SNTG1: variants seen among roughly 807,000 people sequenced by gnomAD.
The protein encoded by SNTG1 is syntrophin gamma 1, also known as gamma-1-syntrophin.
In SNTG1, 39 loss-of-function variants were observed where a neutral mutation model predicts 74.7. The ratio of observed to expected loss-of-function variants is 0.52; its 90% CI spans 0.40 to 0.68. The LOEUF is 0.68. Ranked by LOEUF, SNTG1 falls within the 30% of genes least tolerant of loss-of-function variation. The pLI is 0.00. For synonymous variants in SNTG1, 254 were observed against 217.1 expected (o/e 1.17, Z -1.49); for missense variants, 685 against 609.5 (o/e 1.12, Z -1.30).
At chr8:50,456,062 T>C (rs1226003797) in intron 8 of SNTG1, among the ~76,000 whole-genome samples, 1 of 152,244 alleles carries the variant, frequency 6.6e-6, no homozygotes, top group Non-Finnish European at 1.5e-5. Flanking sequence ...ACACTATGTC[T>C]GCTTTTGAAA....
intron 18 of SNTG1, among the ~76,000 whole-genome samples, chr8:50,769,330 G>C (rs754121267): frequency 2.0e-5 from 3 of 151,946 alleles, no homozygotes; most frequent in Non-Finnish European, 2.9e-5. Context: ...CATCTACGAA[G>C]AGAAGAATTG....
At chr8:49,915,194 A>C (rs1004617235) in intron 1 of SNTG1, among the ~76,000 whole-genome samples, 1 of 152,212 alleles carries the variant, frequency 6.6e-6, no homozygotes, top group Admixed American at 6.5e-5. Flanking sequence ...TGAAGACACA[A>C]TAATTTACAT....
chr8:50,400,336 T>G (rs557716600), intron 3 of SNTG1, among the ~76,000 whole-genome samples: 45 of 152,350 alleles, frequency 3.0e-4, no homozygotes, highest in African/African-American at 1.1e-3. Flanking sequence ...GCAAGTTAAA[T>G]AATTTTATTC....
intron 1 of SNTG1, among the ~76,000 whole-genome samples, chr8:50,031,929 A>G (rs1251744012): frequency 6.6e-6 from 1 of 152,040 alleles, no homozygotes; most frequent in Non-Finnish European, 1.5e-5. Flanking sequence ...AAGCTTATAG[A>G]TTTCATTTTT....
chr8:50,264,366 G>A (rs141755686), intron 2 of SNTG1, among the ~76,000 whole-genome samples: 6 of 152,014 alleles, frequency 3.9e-5, no homozygotes, highest in South Asian at 2.1e-4. Context: ...TCAGGAGTTC[G>A]AGACCAGCCT....
chr8:50,531,679 C>G (rs7004506), intron 10 of SNTG1, among the ~76,000 whole-genome samples: 3,832 of 152,258 alleles, frequency 0.025, 153 homozygotes, highest in African/African-American at 0.086. Flanking sequence ...GTGTTTGGCA[C>G]CACATGCCCT....
chr8:49,938,593 T>C (rs998555308), intron 1 of SNTG1, among the ~76,000 whole-genome samples: 2 of 21,214 alleles, frequency 9.4e-5, no homozygotes, highest in African/African-American at 2.5e-4. Context: ...TTTTCTTTTC[T>C]TTTCTTTTCT....
intron 1 of SNTG1, among the ~76,000 whole-genome samples, chr8:50,050,010 A>G (rs1388825429): frequency 6.6e-6 from 1 of 152,008 alleles, no homozygotes; most frequent in African/African-American, 2.4e-5. Flanking sequence ...TAAAATAAAT[A>G]TTGAAATCAA....
chr8:50,684,014 C>T (rs544710939), intron 15 of SNTG1, among the ~76,000 whole-genome samples: 3 of 152,286 alleles, frequency 2.0e-5, no homozygotes, highest in South Asian at 4.1e-4. Flanking sequence ...CATTGAAGAA[C>T]AGATTCTACA....
At chr8:50,468,105 GT>G (rs2093623903) in intron 8 of SNTG1, among the ~76,000 whole-genome samples, 1 of 151,158 alleles carries the variant, frequency 6.6e-6, no homozygotes, top group Admixed American at 6.6e-5. Flanking sequence ...AAAAGTATAT[GT>G]TTTGCTACCT....
intron 1 of SNTG1, among the ~76,000 whole-genome samples, chr8:50,059,959 C>G (rs1820336534): frequency 1.3e-5 from 2 of 152,158 alleles, no homozygotes; most frequent in Admixed American, 1.3e-4. Flanking sequence ...TTTTACATTC[C>G]TACCTGCAGT....
intron 2 of SNTG1, among the ~76,000 whole-genome samples, chr8:50,339,876 C>A (rs1219676216): frequency 6.6e-6 from 1 of 151,872 alleles, no homozygotes; most frequent in African/African-American, 2.4e-5. Flanking sequence ...AAAAGACAGA[C>A]TTTCTGTGTA....
At position 50,552,341 on chromosome 8, in the gene SNTG1, G is replaced by A. The variant is rs367783291; in HGVS notation, c.681-709G>A. On this transcript the variant is annotated intron_variant, in intron 11 of 18. Transcript: ENST00000642720. ...AGCACTTTTGTGAACAATTTTAAAA[G>A]GCATCATTTAATTGTCTATGACAAC... Among the ~76,000 whole-genome samples, 32 of 152,186 alleles carry A rather than the reference G, an allele frequency of 2.1e-4. 1 individual carries two copies. The highest frequency in any genetic ancestry group is 7.7e-4 in the African/African-American group (32 of 41,512).
intron 15 of SNTG1, among the ~76,000 whole-genome samples, chr8:50,691,588 C>T (rs535996565): frequency 6.6e-6 from 1 of 152,340 alleles, no homozygotes; most frequent in East Asian, 1.9e-4. Context: ...CCACTCTCTT[C>T]TGGCTTGTAG....
At position 50,684,707 on chromosome 8, in the gene SNTG1, C is replaced by CT. The variant is rs554268067; in HGVS notation, c.1039-19884dup. Among the ~76,000 whole-genome samples, 854 of 142,538 alleles carry CT rather than the reference C, an allele frequency of 6.0e-3. 5 individuals carry two copies. The highest frequency in any genetic ancestry group is 0.01 in the Non-Finnish European group (673 of 64,544). 93.5% of individuals were successfully genotyped at this position (142,538 alleles called of 152,430 possible). ...CCCTTTGAAGTTGCACAACATTTTT[C>CT]TTTTTTTTTGTTTTTGTTTTTGTTT... On this transcript the variant is annotated intron_variant, in intron 15 of 18. Transcript: ENST00000642720.
At chr8:50,393,713 T>C (rs2092691947) in intron 2 of SNTG1, among the ~76,000 whole-genome samples, 1 of 152,222 alleles carries the variant, frequency 6.6e-6, no homozygotes, top group Non-Finnish European at 1.5e-5. Context: ...CTTCCTTACA[T>C]CATATTGTGA....
chr8:50,352,403 T>C (rs2091689643), intron 2 of SNTG1, among the ~76,000 whole-genome samples: 1 of 152,054 alleles, frequency 6.6e-6, no homozygotes, highest in Non-Finnish European at 1.5e-5. Flanking sequence ...TTCTCTTTTT[T>C]TTTTTGGACG....
intron 4 of SNTG1, among the ~76,000 whole-genome samples, chr8:50,404,591 T>C (rs1033238987): frequency 4.0e-5 from 6 of 151,794 alleles, no homozygotes; most frequent in Non-Finnish European, 2.9e-5. Flanking sequence ...TTCTAAAGAG[T>C]CCAAAAATAG....
intron 1 of SNTG1, among the ~76,000 whole-genome samples, chr8:49,922,083 G>C (rs318863): frequency 0.92 from 140,360 of 152,108 alleles, 65,767 homozygotes; most frequent in East Asian, 1. Flanking sequence ...TGCATACAAG[G>C]GGTCTGCAGA....
Sources: allele counts gnomAD v4.1 joint callset (sites outside exome capture counted in the v4.1 genomes callset), GRCh38; gene constraint gnomAD v4.1.1; transcripts MANE v1.5; gene names NCBI Gene and HGNC (gene_info 2026-07-23, HGNC 2026-07-21).